RBFOX1: variants seen among roughly 807,000 people sequenced by gnomAD.
RBFOX1 encodes RNA binding protein fox-1 homolog 1.
In RBFOX1, 8 loss-of-function variants were observed where a neutral mutation model predicts 57.7. The observed-to-expected ratio is 0.14, with a 90% confidence interval of 0.08 to 0.25. The LOEUF (loss-of-function observed/expected upper bound fraction) is 0.25, where lower values mean the gene tolerates loss of function less well. Ranked by LOEUF, RBFOX1 falls within the 10% of genes least tolerant of loss-of-function variation. RBFOX1 has a pLI of 1.00. For missense variants in RBFOX1, 611 were observed against 548.5 expected, an observed-to-expected ratio of 1.11 and a Z score of -1.14; for synonymous variants, 326 against 222.4, an observed-to-expected ratio of 1.47 and a Z score of -4.15.
chr16:6,974,560 G>T lies in RBFOX1; in HGVS notation c.-15-77497G>T, dbSNP rs553931150. ...AGGTTTCATCATATTGGCCAGGCTG[G>T]TCTTGATCTCCTGACCTCAGGTGAT... On this transcript the variant is annotated intron_variant, in intron 3 of 15. Transcript: ENST00000550418. 1.6e-4 allele frequency among the ~76,000 whole-genome samples: 24 copies of T among 152,034 alleles called. No homozygotes were observed. The East Asian group carries it at 3.3e-3, about 21-fold the overall frequency.
At chr16:6,488,746 A>T (rs1244723786) in intron 2 of RBFOX1, among the ~76,000 whole-genome samples, 1 of 152,172 alleles carries the variant, frequency 6.6e-6, no homozygotes, top group South Asian at 2.1e-4. Flanking sequence ...ACCCATAATA[A>T]TATTTAACAA....
At chr16:6,797,788 C>A (rs974846984) in intron 3 of RBFOX1, among the ~76,000 whole-genome samples, 7 of 152,116 alleles carry the variant, frequency 4.6e-5, no homozygotes, top group Non-Finnish European at 1.0e-4. Flanking sequence ...AATCCAATAT[C>A]ATTTGGTAAG....
At chr16:6,189,987 A>G (rs1437040035) in intron 1 of RBFOX1, among the ~76,000 whole-genome samples, 1 of 152,172 alleles carries the variant, frequency 6.6e-6, no homozygotes. Context: ...GTAGTTTCAT[A>G]GTTTGAGGTC....
intron 3 of RBFOX1, among the ~76,000 whole-genome samples, chr16:5,825,143 C>A (rs891142763): frequency 6.6e-6 from 1 of 152,206 alleles, no homozygotes; most frequent in African/African-American, 2.4e-5. Context: ...ACTCTGGACC[C>A]TCGTTGCCCA....
chr16:6,729,580 C>G (rs2068034490), intron 3 of RBFOX1, among the ~76,000 whole-genome samples: 1 of 152,094 alleles, frequency 6.6e-6, no homozygotes, highest in African/African-American at 2.4e-5. Context: ...GGAATATTAT[C>G]AAAACCCTAG....
chr16:5,576,439 T>C (rs1040196931), intron 2 of RBFOX1, among the ~76,000 whole-genome samples: 1 of 152,216 alleles, frequency 6.6e-6, no homozygotes, highest in Admixed American at 6.5e-5. Context: ...TCAAGGCAAA[T>C]AATCCCCTCC....
chr16:7,566,942 A>C (rs1019529066), intron 5 of RBFOX1, among the ~76,000 whole-genome samples: 4 of 151,954 alleles, frequency 2.6e-5, no homozygotes, highest in Admixed American at 6.6e-5. Flanking sequence ...CCATGAACAA[A>C]GAAATCGATT....
At chr16:6,127,631 T>C (rs1453669290) in intron 1 of RBFOX1, among the ~76,000 whole-genome samples, 1 of 152,220 alleles carries the variant, frequency 6.6e-6, no homozygotes, top group Admixed American at 6.5e-5. Flanking sequence ...CAGTCAATTT[T>C]AAACCACCCT....
chr16:7,240,932 A>G (rs1236463764), intron 4 of RBFOX1, among the ~76,000 whole-genome samples: 3 of 152,222 alleles, frequency 2.0e-5, no homozygotes, highest in East Asian at 3.8e-4. Context: ...AAACAGCAGC[A>G]CAAAAAGTTT....
intron 12 of RBFOX1, among the ~76,000 whole-genome samples, chr16:7,661,898 C>A (rs2067850234): frequency 6.6e-6 from 1 of 152,142 alleles, no homozygotes; most frequent in Non-Finnish European, 1.5e-5. Context: ...AATCAGGTTA[C>A]CCTACTGAGC....
chr16:6,928,895 C>T (rs552846655), intron 3 of RBFOX1, among the ~76,000 whole-genome samples: 1 of 152,212 alleles, frequency 6.6e-6, no homozygotes, highest in South Asian at 2.1e-4. Flanking sequence ...AGAAATGGAG[C>T]CCAGTAGAGC....
chr16:7,162,498 G>A (rs2078541243), intron 4 of RBFOX1, among the ~76,000 whole-genome samples: 1 of 151,782 alleles, frequency 6.6e-6, no homozygotes, highest in Admixed American at 6.6e-5. Flanking sequence ...GAGAGGTTGA[G>A]GGGGATAGAT....
intron 4 of RBFOX1, among the ~76,000 whole-genome samples, chr16:7,415,115 C>T (rs1044299843): frequency 2.0e-5 from 3 of 152,188 alleles, no homozygotes; most frequent in South Asian, 2.1e-4. Context: ...CTGTAATCCT[C>T]TTAAGGAACT....
chr16:5,507,472 G>A (rs147678913), intron 2 of RBFOX1, among the ~76,000 whole-genome samples: 2 of 152,132 alleles, frequency 1.3e-5, no homozygotes, highest in Non-Finnish European at 2.9e-5. Context: ...AGAGCAGGCA[G>A]CTTCCCAGTG....
chr16:6,858,140 C>A (rs906780940), intron 3 of RBFOX1, among the ~76,000 whole-genome samples: 30 of 152,120 alleles, frequency 2.0e-4, no homozygotes, highest in Non-Finnish European at 3.4e-4. Flanking sequence ...CAGTTATTAA[C>A]GTGACTGTAA....
chr16:5,336,745 G>GCC (rs2064904800), intron 1 of RBFOX1, among the ~76,000 whole-genome samples: 1 of 152,174 alleles, frequency 6.6e-6, no homozygotes, highest in African/African-American at 2.4e-5. Flanking sequence ...TGGAGGAACT[G>GCC]CCCCTCCAGC....
intron 1 of RBFOX1, among the ~76,000 whole-genome samples, chr16:6,222,030 G>A (rs1056675097): frequency 6.6e-6 from 1 of 152,140 alleles, no homozygotes; most frequent in Non-Finnish European, 1.5e-5. Flanking sequence ...TAATGAGCAA[G>A]TCATGCACAA....
intron 4 of RBFOX1, among the ~76,000 whole-genome samples, chr16:7,080,911 G>T (rs1185779409): frequency 6.6e-6 from 1 of 152,210 alleles, no homozygotes; most frequent in East Asian, 1.9e-4. Context: ...TTCGTTAGCA[G>T]TTTCTCATTG....
At chr16:7,470,888 G>A (rs940404460) in intron 4 of RBFOX1, among the ~76,000 whole-genome samples, 6 of 151,542 alleles carry the variant, frequency 4.0e-5, no homozygotes, top group African/African-American at 1.2e-4. Flanking sequence ...AGGGCGGGAT[G>A]GGGGAGTATA....
Sources: gnomAD v4.1 joint callset for allele counts (sites outside exome capture counted in the v4.1 genomes callset) on GRCh38, gnomAD v4.1.1 for gene constraint, MANE v1.5 for transcripts, NCBI Gene and HGNC (gene_info 2026-07-23, HGNC 2026-07-21) for gene names.